CSMD1: variants seen among roughly 807,000 people sequenced by gnomAD.
CSMD1 encodes CUB and Sushi multiple domains 1.
A neutral mutation model predicts 417.5 loss-of-function variants in CSMD1; 213 were observed. The ratio of observed to expected loss-of-function variants is 0.51; its 90% confidence interval spans 0.46 to 0.57. The LOEUF (loss-of-function observed/expected upper bound fraction) is 0.57, where lower values mean the gene tolerates loss of function less well. Ranked by LOEUF, CSMD1 falls within the 20% of genes least tolerant of loss-of-function variation. The probability of loss-of-function intolerance (pLI) is 0.00; values close to 1 mark genes in which losing one functional copy is unlikely to be tolerated. For synonymous variants in CSMD1, 2,862 were observed against 1,736.8 expected (o/e 1.65, Z -16.11); for missense variants, 6,923 against 4,529.7 (o/e 1.53, Z -15.17).
chr8:4,718,604 C>T (rs866125281), intron 1 of CSMD1, among the ~76,000 whole-genome samples: 2 of 151,608 alleles, frequency 1.3e-5, no homozygotes, highest in Admixed American at 6.6e-5. Flanking sequence ...ACATATAGTA[C>T]GATTGAATTT....
intron 41 of CSMD1, among the ~76,000 whole-genome samples, chr8:3,126,407 A>C (rs768501795): frequency 6.6e-6 from 1 of 152,164 alleles, no homozygotes; most frequent in Non-Finnish European, 1.5e-5. Context: ...ATTAGGGTGA[A>C]TCACTCTAAG....
intron 5 of CSMD1, among the ~76,000 whole-genome samples, chr8:3,940,775 C>G (rs1277598041): frequency 1.3e-5 from 2 of 151,518 alleles, no homozygotes; most frequent in Non-Finnish European, 2.9e-5. Context: ...ATACACAGTT[C>G]TCTTTTTATT....
chr8:3,561,649 C>A (rs1266477085), intron 10 of CSMD1, among the ~76,000 whole-genome samples: 3 of 152,108 alleles, frequency 2.0e-5, no homozygotes, highest in Non-Finnish European at 4.4e-5. Flanking sequence ...GAGAGTAAAG[C>A]TTAAGAATTG....
At chr8:4,175,938 G>A (rs1407489259) in intron 3 of CSMD1, among the ~76,000 whole-genome samples, 1 of 152,118 alleles carries the variant, frequency 6.6e-6, no homozygotes, top group East Asian at 1.9e-4. Context: ...TGCAGGTGCT[G>A]TCGACATTGG....
intron 59 of CSMD1, 131 bp from the exon 60 acceptor site, chr8:2,963,526 A>C: frequency 1.1e-6 from 1 of 874,308 alleles, no homozygotes; most frequent in Non-Finnish European, 1.8e-6. Context: ...AAAAATAATA[A>C]AAGAATTGCC....
In CSMD1 at chr8:3,049,052, G is replaced by A. The variant is rs145555033; in HGVS notation, c.7660+3410C>T. On this transcript the variant is annotated intron_variant, in intron 50 of 69. Transcript: ENST00000635120. Reference sequence around the variant, plus strand: ...ATAAGATACTACTGCACATCTATGAGAATGGCCAAAATCCAGACACTGATA... The same window carrying A: ...ATAAGATACTACTGCACATCTATGAAAATGGCCAAAATCCAGACACTGATA... Among the ~76,000 whole-genome samples, 733 of 152,164 alleles carry A rather than the reference G, an allele frequency of 4.8e-3. 6 individuals carry two copies. Among genetic ancestry groups the A allele is most frequent in the African/African-American group, 0.017 (686 of 41,532 alleles).
Position 4,058,726 on chromosome 8 carries a change from C to T in CSMD1, c.416-26627G>A, listed in dbSNP as rs1471348611. ...TTACATAATAGTAAAGGGATCAATT[C>T]AACAAGAAGAGCTAACTATCCTAAA... On this transcript the variant is annotated intron_variant, in intron 3 of 69. Transcript: ENST00000635120. Among the ~76,000 whole-genome samples the T allele has an allele frequency of 5.1e-5, 7 of 136,560 alleles. No homozygotes were observed. In the East Asian group the frequency reaches 1.3e-3, roughly 26 times the overall value. The allele number at this position is 136,560 out of a possible 152,430, so 89.6% of individuals were successfully genotyped here. A position where few individuals can be genotyped will look rare whatever the true frequency, so the allele number is the denominator to read the frequency against.
At chr8:3,068,273 G>C (rs1420652683) in intron 49 of CSMD1, among the ~76,000 whole-genome samples, 1 of 151,842 alleles carries the variant, frequency 6.6e-6, no homozygotes, top group African/African-American at 2.4e-5. Flanking sequence ...TTTGCAGTAT[G>C]TTGAATCCCA....
chr8:3,832,972 G>T (rs1020807298), intron 5 of CSMD1, among the ~76,000 whole-genome samples: 11 of 152,120 alleles, frequency 7.2e-5, no homozygotes, highest in Admixed American at 3.3e-4. Context: ...CAATAATTGA[G>T]AAATATAGAC....
chr8:3,352,045 T>G (rs942286564), intron 21 of CSMD1, among the ~76,000 whole-genome samples: 25 of 152,148 alleles, frequency 1.6e-4, no homozygotes, highest in African/African-American at 5.8e-4. Context: ...TATGATATTT[T>G]CCATGCTGAA....
chr8:3,289,147 C>G lies in CSMD1; in HGVS notation c.3951-4801G>C, dbSNP rs1380543728. ...CAGCTTCATCCATGTCCCTACAAAG[C>G]ACATGAACTCATCATTTTTTATGGC... is the stretch of plus-strand genomic sequence containing the variant. On this transcript the variant is annotated intron_variant, in intron 25 of 69. Coordinates refer to ENST00000635120, the MANE Select transcript of CSMD1 (RefSeq NM_033225.6). 5.4e-5 allele frequency among the ~76,000 whole-genome samples: 8 copies of G among 147,490 alleles called. 1 individual carries two copies. Among genetic ancestry groups the G allele is most frequent in the Admixed American group, 2.0e-4 (3 of 15,000 alleles).
At chr8:3,965,989 T>C (rs562381350) in intron 5 of CSMD1, among the ~76,000 whole-genome samples, 9 of 152,278 alleles carry the variant, frequency 5.9e-5, no homozygotes, top group African/African-American at 2.2e-4. Context: ...GAGAATAAAA[T>C]GTTAATATGA....
At chr8:3,766,432 G>C (rs1798271236) in intron 5 of CSMD1, among the ~76,000 whole-genome samples, 1 of 152,124 alleles carries the variant, frequency 6.6e-6, no homozygotes, top group African/African-American at 2.4e-5. Context: ...CCTGGTACCT[G>C]GGTTACTACT....
chr8:4,918,791 A>G (rs1173256500), intron 1 of CSMD1, among the ~76,000 whole-genome samples: 1 of 152,220 alleles, frequency 6.6e-6, no homozygotes, highest in Non-Finnish European at 1.5e-5. Context: ...AATAATTTAT[A>G]TATAAACACA....
At chr8:3,848,144 T>A (rs2954214) in intron 5 of CSMD1, among the ~76,000 whole-genome samples, 27,874 of 151,848 alleles carry the variant, frequency 0.18, 2,734 homozygotes, top group East Asian at 0.4. Context: ...CTGTGACTGC[T>A]GTATGTGGTG....
intron 4 of CSMD1, among the ~76,000 whole-genome samples, chr8:4,023,803 G>C (rs1223796710): frequency 1.7e-5 from 2 of 120,902 alleles, no homozygotes; most frequent in East Asian, 2.5e-4. Context: ...ATTTTTAGTA[G>C]AGACGGGGTT....
At chr8:3,747,168 G>A (rs955990487) in intron 6 of CSMD1, among the ~76,000 whole-genome samples, 47 of 152,268 alleles carry the variant, frequency 3.1e-4, no homozygotes, top group African/African-American at 1.1e-3. Flanking sequence ...TCACATCCTG[G>A]TTCTGCCATT....
At chr8:4,535,291 C>T (rs35741768) in intron 2 of CSMD1, among the ~76,000 whole-genome samples, 50,668 of 151,848 alleles carry the variant, frequency 0.33, 9,599 homozygotes, top group South Asian at 0.46. Flanking sequence ...AGGGGGAAGT[C>T]AATTATTTGT....
intron 5 of CSMD1, among the ~76,000 whole-genome samples, chr8:3,952,743 TG>T (rs1205266165): frequency 6.6e-6 from 1 of 152,204 alleles, no homozygotes; most frequent in Non-Finnish European, 1.5e-5. Flanking sequence ...AATGGCTTAT[TG>T]TATGTTATGT....
Sources: allele counts gnomAD v4.1 joint callset (sites outside exome capture counted in the v4.1 genomes callset), GRCh38; gene constraint gnomAD v4.1.1; transcripts MANE v1.5; gene names NCBI Gene and HGNC (gene_info 2026-07-23, HGNC 2026-07-21).